UCHL3: variants seen among roughly 807,000 people sequenced by gnomAD.
UCHL3 encodes the protein ubiquitin carboxyl-terminal hydrolase isozyme L3.
A neutral mutation model predicts 35.8 loss-of-function variants in UCHL3; 22 were observed. That is an observed-to-expected ratio of 0.61 (90% CI 0.44 to 0.88). The LOEUF (loss-of-function observed/expected upper bound fraction) is 0.88. UCHL3 is among the 40% of genes least tolerant of loss of function. The pLI is 0.00. For missense variants in UCHL3, 229 were observed against 276.9 expected (o/e 0.83, Z 1.23); for synonymous variants, 90 against 92.8 (o/e 0.97, Z 0.17).
At chr13:75,549,672 T>A, upstream of UCHL3, 1 of 839,332 alleles carries the variant, frequency 1.2e-6, no homozygotes, top group South Asian at 1.9e-5. Context: ...GTTAAGAGGG[T>A]GAGAGGCCCG....
In UCHL3 at chr13:75,586,556, C is replaced by T. The variant is rs76359710; in HGVS notation, c.475-8359C>T. On this transcript the variant is annotated intron_variant, in intron 6 of 8. Transcript: ENST00000377595. ...TGGAACACTTCAGAAATTTGGAATA[C>T]AACAGTTGAATATACAGTCTTCTCA... 1.3e-3 allele frequency among the ~76,000 whole-genome samples: 191 copies of T among 152,008 alleles called. 1 individual carries two copies. Among genetic ancestry groups the T allele is most frequent in the African/African-American group, 4.5e-3 (187 of 41,514 alleles).
At chr13:75,572,461 G>A (rs999624387) in intron 6 of UCHL3, among the ~76,000 whole-genome samples, 1 of 152,114 alleles carries the variant, frequency 6.6e-6, no homozygotes, top group African/African-American at 2.4e-5. Context: ...TCACAAAATG[G>A]TGTGTCATGG....
chr13:75,566,298 T>C (rs2031678887), intron 3 of UCHL3, among the ~76,000 whole-genome samples: 1 of 152,382 alleles, frequency 6.6e-6, no homozygotes, highest in Non-Finnish European at 1.5e-5. Context: ...TCTATTATGC[T>C]TTATAGTATT....
At chr13:75,591,112 G>T (rs34072684) in intron 6 of UCHL3, among the ~76,000 whole-genome samples, 1 of 152,186 alleles carries the variant, frequency 6.6e-6, no homozygotes, top group South Asian at 2.1e-4. Context: ...CTGATTACAC[G>T]TACATTTAAT....
At chr13:75,560,957 ATC>A in intron 3 of UCHL3, 76 bp downstream of exon 3, 1 of 1,354,874 alleles carries the variant, frequency 7.4e-7, no homozygotes, top group Non-Finnish European at 9.8e-7. Flanking sequence ...TTGAGGCAGT[ATC>A]TCGCTCTGTT....
chr13:75,597,469 C>T (rs1423866295), intron 7 of UCHL3, among the ~76,000 whole-genome samples: 1 of 151,938 alleles, frequency 6.6e-6, no homozygotes, highest in Non-Finnish European at 1.5e-5. Context: ...GTAGATTCAA[C>T]CAACTGTGGA....
At chr13:75,552,921 T>C (rs1035019422) in intron 2 of UCHL3, among the ~76,000 whole-genome samples, 1 of 152,236 alleles carries the variant, frequency 6.6e-6, no homozygotes, top group African/African-American at 2.4e-5. Flanking sequence ...CTAATGATTT[T>C]TGTTTATATG....
chr13:75,591,883 C>T (rs149070257), intron 6 of UCHL3, among the ~76,000 whole-genome samples: 170 of 152,142 alleles, frequency 1.1e-3, no homozygotes, highest in African/African-American at 3.9e-3. Context: ...ATTAGACTTA[C>T]CTGGTTGAGT....
In UCHL3 at chr13:75,587,036, G is replaced by T. The variant is rs1220640625; in HGVS notation, c.475-7879G>T. On this transcript the variant is annotated intron_variant, in intron 6 of 8. Coordinates refer to ENST00000377595, the MANE Select transcript of UCHL3 (RefSeq NM_006002.5). ...AGGTAGCAAAAAAAAAAAAAAAAAA[G>T]AGCAAATTAAATCCAAAATGCATAA... 5.5e-3 allele frequency among the ~76,000 whole-genome samples: 463 copies of T among 84,348 alleles called. 7 individuals are homozygous for T. Among genetic ancestry groups the T allele is most frequent in the African/African-American group, 0.017 (438 of 26,468 alleles). The allele number at this position is 84,348 out of a possible 152,430, so 55.3% of individuals were successfully genotyped here.
intron 6 of UCHL3, among the ~76,000 whole-genome samples, chr13:75,592,451 T>TATATACGTATATAC: frequency 1.2e-5 from 1 of 81,592 alleles, no homozygotes; most frequent in Admixed American, 1.3e-4. Flanking sequence ...TATATATATA[T>TATATACGTATATAC]ATATATATAT....
At chr13:75,593,764 CTATA>C (rs2032572661) in intron 6 of UCHL3, among the ~76,000 whole-genome samples, 1 of 152,128 alleles carries the variant, frequency 6.6e-6, no homozygotes, top group South Asian at 2.1e-4. Flanking sequence ...AGGTGAAACA[CTATA>C]TATAAATGTT....
At chr13:75,563,279 G>T (rs989905368) in intron 3 of UCHL3, among the ~76,000 whole-genome samples, 1 of 152,104 alleles carries the variant, frequency 6.6e-6, no homozygotes, top group Non-Finnish European at 1.5e-5. Context: ...AGGTACAAGT[G>T]ATTCTTCTGC....
intron 6 of UCHL3, among the ~76,000 whole-genome samples, chr13:75,579,988 A>G (rs1313757164): frequency 2.6e-5 from 4 of 152,204 alleles, no homozygotes; most frequent in Non-Finnish European, 5.9e-5. Context: ...ATTAATAGAT[A>G]TTTCTAACAT....
upstream of UCHL3, chr13:75,549,784 G>T (rs755762408): frequency 6.2e-6 from 9 of 1,448,960 alleles, no homozygotes; most frequent in South Asian, 2.8e-5. Flanking sequence ...CGGCGAAGGC[G>T]GCGGCTGTCA....
chr13:75,555,085 C>A (rs965377565), intron 2 of UCHL3, among the ~76,000 whole-genome samples: 5 of 152,220 alleles, frequency 3.3e-5, no homozygotes, highest in African/African-American at 1.2e-4. Flanking sequence ...GGAGGTACTG[C>A]CCATCTCTGA....
intron 6 of UCHL3, among the ~76,000 whole-genome samples, chr13:75,587,610 A>G (rs1206986024): frequency 6.6e-6 from 1 of 152,212 alleles, no homozygotes; most frequent in Non-Finnish European, 1.5e-5. Context: ...ATAAGTGCAG[A>G]TGATAAAGCA....
intron 7 of UCHL3, among the ~76,000 whole-genome samples, chr13:75,602,556 T>C (rs2032805377): frequency 6.6e-6 from 1 of 152,222 alleles, no homozygotes; most frequent in African/African-American, 2.4e-5. Flanking sequence ...CTGCAGCGTA[T>C]GCATTTACTG....
intron 6 of UCHL3, among the ~76,000 whole-genome samples, chr13:75,590,551 G>C (rs2032455037): frequency 6.6e-6 from 1 of 152,004 alleles, no homozygotes; most frequent in Non-Finnish European, 1.5e-5. Context: ...TTATGTTTCT[G>C]AGCATGACTT....
intron 6 of UCHL3, among the ~76,000 whole-genome samples, chr13:75,582,300 A>G (rs2032209311): frequency 6.6e-6 from 1 of 152,204 alleles, no homozygotes; most frequent in Admixed American, 6.5e-5. Context: ...GAAGAGTAAA[A>G]CATTTAATCT....
Sources: gnomAD v4.1 joint callset for allele counts (sites outside exome capture counted in the v4.1 genomes callset) on GRCh38, gnomAD v4.1.1 for gene constraint, MANE v1.5 for transcripts, NCBI Gene and HGNC (gene_info 2026-07-23, HGNC 2026-07-21) for gene names.